The following PREX1 variants were observed in gnomAD, a reference collection of about 807,000 sequenced individuals.
The protein encoded by PREX1 is phosphatidylinositol-3,4,5-trisphosphate dependent Rac exchange factor 1, also known as phosphatidylinositol 3,4,5-trisphosphate-dependent Rac exchanger 1 protein.
A neutral mutation model predicts 198.3 loss-of-function variants in PREX1; 41 were observed. The ratio of observed to expected loss-of-function variants is 0.21; its 90% CI spans 0.16 to 0.27. PREX1 has a LOEUF of 0.27. Among genes scored for constraint, PREX1 ranks in the 10% least tolerant of loss-of-function variants. The pLI is 1.00. For synonymous variants in PREX1, 843 were observed against 887.2 expected (o/e 0.95, Z 0.89); for missense variants, 1,620 against 2,200.7 (o/e 0.74, Z 5.28).
intron 1 of PREX1, among the ~76,000 whole-genome samples, chr20:48,804,135 C>T (rs764880524): frequency 6.6e-6 from 1 of 152,224 alleles, no homozygotes; most frequent in African/African-American, 2.4e-5. Flanking sequence ...TCAGGAAATA[C>T]GTGACAACGA....
rs189891205 is a variant in PREX1 at position 48,715,614 on chromosome 20, G to A, written c.622-7193C>T. On this transcript the variant is annotated intron_variant, in intron 5 of 39. Transcript: ENST00000371941. The stretch of plus-strand genomic sequence containing the variant: ...CTAAGACTCACCCCCTAAGGCTAAT[G>A]TAAGGATCCAATGGGGTGATGAATG... Among the ~76,000 whole-genome samples, 238 of 152,318 alleles carry A rather than the reference G, an allele frequency of 1.6e-3. 1 individual carries two copies. Among genetic ancestry groups the A allele is most frequent in the African/African-American group, 5.1e-3 (213 of 41,566 alleles).
rs200235737 is a variant in PREX1 at position 48,818,948 on chromosome 20, C to T, written c.219+8694G>A. ...CACTGGCCTCCTCCAGGAAGCCTGCCCTGGTTACTTGGTAACCCAGTACCC... is the reference window on the plus strand; with the variant it reads ...CACTGGCCTCCTCCAGGAAGCCTGCTCTGGTTACTTGGTAACCCAGTACCC... On this transcript the variant is annotated intron_variant, in intron 1 of 39. Coordinates refer to ENST00000371941, the MANE Select transcript of PREX1 (RefSeq NM_020820.4). Among the ~76,000 whole-genome samples, 6 of 152,256 alleles carry T rather than the reference C, an allele frequency of 3.9e-5. No homozygotes were observed. The East Asian group carries it at 1.2e-3, about 29-fold the overall frequency.
intron 1 of PREX1, among the ~76,000 whole-genome samples, chr20:48,750,569 G>A (rs2090129731): frequency 6.6e-6 from 1 of 151,950 alleles, no homozygotes; most frequent in Admixed American, 6.6e-5. Context: ...TCCTGCCTCA[G>A]GACCTTTGCA....
chr20:48,880,926 G>A, the PREX1 span, among the ~76,000 whole-genome samples: 1 of 128,078 alleles, frequency 7.8e-6, no homozygotes, highest in Non-Finnish European at 1.6e-5. Context: ...AGCAGAAGGG[G>A]AATCTATGAC....
At chr20:48,877,947 A>G in the PREX1 span, among the ~76,000 whole-genome samples, 1 of 152,146 alleles carries the variant, frequency 6.6e-6, no homozygotes, top group Non-Finnish European at 1.5e-5. Context: ...CATCTCTACT[A>G]AAAATACAAA....
chr20:48,667,075 T>G (rs909579153), intron 14 of PREX1, among the ~76,000 whole-genome samples: 2 of 150,452 alleles, frequency 1.3e-5, no homozygotes, highest in Admixed American at 6.6e-5. Flanking sequence ...CCTGGCCCTT[T>G]CTTTCTCTTC....
In PREX1 at chr20:48,625,806, G is replaced by C. The variant is rs1005514627; in HGVS notation, c.*79C>G. The C allele has an allele frequency of 2.2e-5, 32 of 1,432,014 alleles. No homozygotes were observed. The highest frequency in any genetic ancestry group is 2.9e-5 in the Non-Finnish European group (31 of 1,070,996). 88.7% of individuals were successfully genotyped at this position (1,432,014 alleles called of 1,614,324 possible). The stretch of plus-strand genomic sequence containing the variant: ...CTGCGGAAGCCTTGGGCCATCCCTG[G>C]AGAAGGCCAGCGCTGCCTGCTGTGT... On this transcript the variant is annotated 3_prime_UTR_variant, in exon 40 of 40. Transcript: ENST00000371941.
chr20:48,869,306 GT>G, the PREX1 span, among the ~76,000 whole-genome samples: 130,296 of 146,444 alleles, frequency 0.89, 58,254 homozygotes, highest in African/African-American at 0.96. Flanking sequence ...TTGTTGTTTT[GT>G]TTTTTTTTTT....
chr20:48,803,119 T>A (rs1279877075), intron 1 of PREX1, among the ~76,000 whole-genome samples: 1 of 152,220 alleles, frequency 6.6e-6, no homozygotes, highest in African/African-American at 2.4e-5. Flanking sequence ...ATTTGCGATA[T>A]CCTGGTTTAA....
At chr20:48,770,396 A>G (rs2090230020) in intron 1 of PREX1, among the ~76,000 whole-genome samples, 1 of 152,150 alleles carries the variant, frequency 6.6e-6, no homozygotes, top group Non-Finnish European at 1.5e-5. Flanking sequence ...GAGGACCCTG[A>G]GCATGACCTT....
At chr20:48,632,117 A>G (rs942607283) in intron 35 of PREX1, among the ~76,000 whole-genome samples, 160 bp downstream of exon 35, 4 of 152,206 alleles carry the variant, frequency 2.6e-5, no homozygotes, top group Non-Finnish European at 4.4e-5. Context: ...GCCATTGAGA[A>G]TCTCACGCAG....
intron 1 of PREX1, among the ~76,000 whole-genome samples, chr20:48,778,970 A>G (rs1007521777): frequency 4.6e-5 from 7 of 152,378 alleles, no homozygotes; most frequent in Middle Eastern, 3.4e-3. Flanking sequence ...TAGATGTGAC[A>G]TTAAAAAAAG....
At chr20:48,875,981 G>A in the PREX1 span, among the ~76,000 whole-genome samples, 1 of 152,164 alleles carries the variant, frequency 6.6e-6, no homozygotes, top group African/African-American at 2.4e-5. Context: ...GTTATGCAGA[G>A]CCTCCGATGC....
chr20:48,672,978 T>C (rs571797199), intron 14 of PREX1, among the ~76,000 whole-genome samples: 1 of 152,098 alleles, frequency 6.6e-6, no homozygotes, highest in Non-Finnish European at 1.5e-5. Context: ...CCCTGCTGTG[T>C]CTCTAGAACC....
chr20:48,625,228 G>C lies in PREX1; in HGVS notation c.*657C>G, dbSNP rs1356302430. The C allele has an allele frequency of 6.6e-6, 1 of 152,400 alleles. No individual in the cohort carries two copies. Among genetic ancestry groups the C allele is most frequent in the African/African-American group, 2.4e-5 (1 of 41,368 alleles). 9.4% of individuals were successfully genotyped at this position (152,400 alleles called of 1,614,324 possible). On this transcript the variant is annotated 3_prime_UTR_variant, in exon 40 of 40. Transcript: ENST00000371941. Reference sequence around the variant, plus strand: ...CAACAAAAAATCCCAAAATAAACCAGAGATTTCATGCCATATAAATAAAGT... The same window carrying C: ...CAACAAAAAATCCCAAAATAAACCACAGATTTCATGCCATATAAATAAAGT...
At chr20:48,641,527 CTGGAATCCCAGCACT>C (rs1362918345) in intron 29 of PREX1, among the ~76,000 whole-genome samples, 1 of 151,916 alleles carries the variant, frequency 6.6e-6, no homozygotes, top group African/African-American at 2.4e-5. Flanking sequence ...TGGCTCATAC[CTGGAATCCCAGCACT>C]TTGGGAGGCC....
rs182526025 is a variant in PREX1, at chr20:48,640,194, T to C, written c.3776-300A>G. On this transcript the variant is annotated intron_variant, in intron 29 of 39. Transcript: ENST00000371941. ...CTCACAAATCAATCACGGCTTTCCT[T>C]TCGTCTAAGCCTGGATGTTGTAGCC... Among the ~76,000 whole-genome samples, 10 of 152,332 alleles carry C rather than the reference T, an allele frequency of 6.6e-5. No homozygotes were observed. In the East Asian group the frequency reaches 1.7e-3, roughly 26 times the overall value.
chr20:48,826,901 C>T (rs6095316), intron 1 of PREX1, among the ~76,000 whole-genome samples: 85 of 152,254 alleles, frequency 5.6e-4, no homozygotes, highest in African/African-American at 1.8e-3. Context: ...AATACTCGTC[C>T]CTACTTCATA....
the PREX1 span, among the ~76,000 whole-genome samples, chr20:48,860,409 G>A: frequency 1.1e-4 from 17 of 152,310 alleles, no homozygotes; most frequent in East Asian, 2.3e-3. Flanking sequence ...CATGGAGTTC[G>A]GCTTTGCAAG....
Sources: allele counts gnomAD v4.1 joint callset (sites outside exome capture counted in the v4.1 genomes callset), GRCh38; gene constraint gnomAD v4.1.1; transcripts MANE v1.5; gene names NCBI Gene and HGNC (gene_info 2026-07-23, HGNC 2026-07-21).